MRPS28: variants seen among roughly 807,000 people sequenced by gnomAD.
MRPS28 encodes small ribosomal subunit protein bS1m.
In MRPS28, 7 loss-of-function variants were observed where a neutral mutation model predicts 10.8. The ratio of observed to expected loss-of-function variants is 0.65; its 90% CI spans 0.37 to 1.22. MRPS28 has a LOEUF of 1.22. Among genes scored for constraint, MRPS28 ranks in the 50% most tolerant of loss-of-function variants. The pLI, the probability that MRPS28 is intolerant of heterozygous loss-of-function variation, is 0.02. For synonymous variants in MRPS28, 121 were observed against 93.3 expected (o/e 1.30, Z -1.71); for missense variants, 265 against 232.9 (o/e 1.14, Z -0.90).
rs371615702 is a variant in MRPS28, at chr8:79,992,634, A to T, written c.395+10365T>A. Reference sequence around the variant, plus strand: ...TTTTAAAAACTGCATTAAGCACATTATGATTAAGGTACTCAATAAATATTT... The same window carrying T: ...TTTTAAAAACTGCATTAAGCACATTTTGATTAAGGTACTCAATAAATATTT... On this transcript the variant is annotated intron_variant, in intron 2 of 2. Transcript: ENST00000276585. Among the ~76,000 whole-genome samples the T allele has an allele frequency of 6.6e-5, 10 of 152,342 alleles. No homozygotes were observed. The South Asian group carries it at 1.0e-3, about 16-fold the overall frequency.
At chr8:79,982,162 G>A (rs559817596) in intron 2 of MRPS28, among the ~76,000 whole-genome samples, 1 of 152,174 alleles carries the variant, frequency 6.6e-6, no homozygotes, top group Non-Finnish European at 1.5e-5. Context: ...CAGGAGAATT[G>A]CTTGAACCCA....
At chr8:79,937,997 G>A (rs1202261288) in intron 2 of MRPS28, among the ~76,000 whole-genome samples, 4 of 152,192 alleles carry the variant, frequency 2.6e-5, no homozygotes, top group Non-Finnish European at 5.9e-5. Flanking sequence ...CCTAGAACCT[G>A]ATTAATTCAT....
intron 1 of MRPS28, among the ~76,000 whole-genome samples, chr8:80,012,775 C>A (rs1320562303): frequency 6.6e-6 from 1 of 152,186 alleles, no homozygotes; most frequent in Non-Finnish European, 1.5e-5. Flanking sequence ...AACAGTATCA[C>A]TTTCATTTAT....
rs186619853 is a variant in MRPS28, at chr8:80,018,476, C to T, written c.213+11560G>A. ...TTAAAATGGCTTTTATCCAAAAGAC[C>T]AGCAGTAATACATGCTGATGAGGAT... On this transcript the variant is annotated intron_variant, in intron 1 of 2. Coordinates refer to ENST00000276585, the MANE Select transcript of MRPS28 (RefSeq NM_014018.3). Among the ~76,000 whole-genome samples, 469 of 152,028 alleles carry T rather than the reference C, an allele frequency of 3.1e-3. 3 individuals carry two copies. The highest frequency in any genetic ancestry group is 0.01 in the African/African-American group (433 of 41,448).
chr8:79,981,616 T>C (rs1807956069), intron 2 of MRPS28, among the ~76,000 whole-genome samples: 1 of 152,178 alleles, frequency 6.6e-6, no homozygotes. Context: ...TAAGACTAAC[T>C]CTAGTAAAAA....
intron 2 of MRPS28, among the ~76,000 whole-genome samples, chr8:79,954,390 G>A (rs900171518): frequency 2.6e-5 from 4 of 151,956 alleles, no homozygotes; most frequent in African/African-American, 7.3e-5. Flanking sequence ...CAAAAAGGGG[G>A]AAACAGGAGG....
At chr8:79,920,589 T>C (rs561485782) in intron 2 of MRPS28, among the ~76,000 whole-genome samples, 13 of 152,362 alleles carry the variant, frequency 8.5e-5, no homozygotes, top group African/African-American at 3.1e-4. Flanking sequence ...ATAAATGTCT[T>C]CTTTTGAGAA....
intron 2 of MRPS28, among the ~76,000 whole-genome samples, chr8:79,947,964 T>C (rs560164851): frequency 1.3e-5 from 2 of 148,986 alleles, no homozygotes; most frequent in African/African-American, 4.9e-5. Flanking sequence ...TGCTATTATA[T>C]ATAGTGTTAA....
intron 2 of MRPS28, among the ~76,000 whole-genome samples, chr8:79,987,103 G>A (rs918188043): frequency 2.6e-5 from 4 of 152,070 alleles, no homozygotes; most frequent in Non-Finnish European, 5.9e-5. Flanking sequence ...ACAGAACAGA[G>A]CCCTCAGAAA....
intron 2 of MRPS28, among the ~76,000 whole-genome samples, chr8:80,000,165 T>C (rs1297446394): frequency 6.6e-6 from 1 of 152,216 alleles, no homozygotes; most frequent in Non-Finnish European, 1.5e-5. Flanking sequence ...GTTGAATGAA[T>C]GAGTGAATGA....
chr8:80,029,317 T>C (rs1330408746), intron 1 of MRPS28, among the ~76,000 whole-genome samples: 1 of 152,232 alleles, frequency 6.6e-6, no homozygotes, highest in African/African-American at 2.4e-5. Flanking sequence ...TACTACTCCC[T>C]AGGAAGAAAA....
chr8:79,993,029 T>C (rs867398829), intron 2 of MRPS28, among the ~76,000 whole-genome samples: 2 of 152,198 alleles, frequency 1.3e-5, no homozygotes, highest in East Asian at 1.9e-4. Flanking sequence ...TATGAGTCTC[T>C]AGATGTTATC....
At chr8:79,997,873 G>A (rs1304778339) in intron 2 of MRPS28, among the ~76,000 whole-genome samples, 2 of 151,838 alleles carry the variant, frequency 1.3e-5, no homozygotes, top group East Asian at 1.9e-4. Context: ...TGGCCAACAC[G>A]GCAAAACCCT....
chr8:79,937,745 T>C (rs754473090), intron 2 of MRPS28, among the ~76,000 whole-genome samples: 1 of 152,224 alleles, frequency 6.6e-6, no homozygotes, highest in Non-Finnish European at 1.5e-5. Context: ...GAAATCACTT[T>C]CTGGTTTTAT....
At chr8:79,933,952 G>T (rs1806537120) in intron 2 of MRPS28, among the ~76,000 whole-genome samples, 1 of 152,100 alleles carries the variant, frequency 6.6e-6, no homozygotes, top group Admixed American at 6.6e-5. Context: ...CTCTCAGATT[G>T]GACTCTCACT....
chr8:79,985,106 T>A (rs1808113646), intron 2 of MRPS28, among the ~76,000 whole-genome samples: 1 of 152,058 alleles, frequency 6.6e-6, no homozygotes, highest in Non-Finnish European at 1.5e-5. Context: ...AAACTACAAC[T>A]CAGGATTAGG....
intron 1 of MRPS28, among the ~76,000 whole-genome samples, chr8:80,025,296 G>A (rs1010754143): frequency 5.9e-5 from 9 of 152,032 alleles, no homozygotes; most frequent in East Asian, 1.9e-4. Context: ...TTTAATTGTC[G>A]AATATCAAGA....
At chr8:79,935,242 G>A (rs768292748) in intron 2 of MRPS28, among the ~76,000 whole-genome samples, 7 of 152,166 alleles carry the variant, frequency 4.6e-5, no homozygotes, top group Admixed American at 1.3e-4. Context: ...CACATTCTAC[G>A]TCTGCAGAAA....
chr8:79,919,926 T>C (rs1392282302), intron 2 of MRPS28, among the ~76,000 whole-genome samples: 3 of 132,400 alleles, frequency 2.3e-5, no homozygotes, highest in Non-Finnish European at 3.2e-5. Context: ...TAGGTATATC[T>C]CCTAATGCTA....
Sources: gnomAD v4.1 joint callset for allele counts (sites outside exome capture counted in the v4.1 genomes callset) on GRCh38, gnomAD v4.1.1 for gene constraint, MANE v1.5 for transcripts, NCBI Gene and HGNC (gene_info 2026-07-23, HGNC 2026-07-21) for gene names.